Variants in MAPK8 observed in about 807,000 individuals in gnomAD.
The protein encoded by MAPK8 is JUN N-terminal kinase.
In MAPK8, 13 loss-of-function variants were observed where a neutral mutation model predicts 52.9. The ratio of observed to expected loss-of-function variants is 0.25; its 90% confidence interval spans 0.16 to 0.39. MAPK8 has a LOEUF of 0.39. MAPK8 is among the 10% of genes least tolerant of loss of function. The pLI, the probability that MAPK8 is intolerant of heterozygous loss-of-function variation, is 1.00. For missense variants in MAPK8, 300 were observed against 519.2 expected (o/e 0.58, Z 4.10); for synonymous variants, 191 against 169.8 (o/e 1.12, Z -0.97).
chr10:48,417,607 A>T (rs918462681), intron 5 of MAPK8, among the ~76,000 whole-genome samples: 5 of 152,200 alleles, frequency 3.3e-5, no homozygotes, highest in Non-Finnish European at 5.9e-5. Context: ...CACCAGAGAC[A>T]TCCTTTTCTC....
intron 1 of MAPK8, among the ~76,000 whole-genome samples, chr10:48,384,773 T>A (rs2041213166): frequency 6.6e-6 from 1 of 152,238 alleles, no homozygotes; most frequent in East Asian, 1.9e-4. Context: ...AGTTTCATAG[T>A]TGGCCAGGTG....
intron 1 of MAPK8, among the ~76,000 whole-genome samples, chr10:48,315,469 G>A (rs1363214578): frequency 6.6e-6 from 1 of 152,150 alleles, no homozygotes; most frequent in African/African-American, 2.4e-5. Flanking sequence ...TATAGAATAA[G>A]TGACAGCTTT....
Position 48,436,634 on chromosome 10 carries a change from T to G in MAPK8, c.*1605T>G, listed in dbSNP as rs553194777. Reference sequence around the variant, plus strand: ...AATGTCTGAAAATTTGCTTGGCATTTTATTCATATATTTAGTGCAAAATTA... The same window carrying G: ...AATGTCTGAAAATTTGCTTGGCATTGTATTCATATATTTAGTGCAAAATTA... On this transcript the variant is annotated 3_prime_UTR_variant, in exon 12 of 12. Transcript: ENST00000374189. 1 of 152,250 alleles carries G rather than the reference T, an allele frequency of 6.6e-6. No individual in the cohort carries two copies. The highest frequency in any genetic ancestry group is 1.5e-5 in the Non-Finnish European group (1 of 68,038). The allele number at this position is 152,250 out of a possible 1,614,324, so 9.4% of individuals were successfully genotyped here.
At chr10:48,318,759 G>A (rs761244973) in intron 1 of MAPK8, among the ~76,000 whole-genome samples, 6 of 152,288 alleles carry the variant, frequency 3.9e-5, no homozygotes, top group South Asian at 4.1e-4. Context: ...GTAAGGGTAC[G>A]TACTGTAAAC....
chr10:48,314,480 T>C (rs534551796), intron 1 of MAPK8, among the ~76,000 whole-genome samples: 1 of 152,352 alleles, frequency 6.6e-6, no homozygotes, highest in South Asian at 2.1e-4. Context: ...TTCAGACTTT[T>C]GCTATCAAAA....
At chr10:48,315,692 G>A (rs1842431605) in intron 1 of MAPK8, among the ~76,000 whole-genome samples, 1 of 145,962 alleles carries the variant, frequency 6.9e-6, no homozygotes, top group Non-Finnish European at 1.5e-5. Flanking sequence ...TTGTATATTA[G>A]TTAATATTTC....
chr10:48,427,026 A>T (rs112500875), intron 9 of MAPK8, 54 bp from the exon 10 acceptor site: 39 of 1,282,004 alleles, frequency 3.0e-5, no homozygotes, highest in Middle Eastern at 1.9e-4. Flanking sequence ...ATAACTACAG[A>T]GTTAAAATAC....
chr10:48,432,105 C>T (rs2044342371), intron 11 of MAPK8, among the ~76,000 whole-genome samples: 1 of 152,176 alleles, frequency 6.6e-6, no homozygotes, highest in African/African-American at 2.4e-5. Context: ...ACTTCTCTGG[C>T]TACAGAGGTT....
At chr10:48,405,600 T>G (rs536570823) in intron 3 of MAPK8, among the ~76,000 whole-genome samples, 1 of 152,336 alleles carries the variant, frequency 6.6e-6, no homozygotes, top group South Asian at 2.1e-4. Flanking sequence ...GAATAAACAG[T>G]TATACTTTTT....
At chr10:48,314,494 A>T (rs1842305039) in intron 1 of MAPK8, among the ~76,000 whole-genome samples, 1 of 152,240 alleles carries the variant, frequency 6.6e-6, no homozygotes, top group Non-Finnish European at 1.5e-5. Context: ...ATCAAAAGCC[A>T]TGGTGCAGTG....
intron 1 of MAPK8, among the ~76,000 whole-genome samples, chr10:48,331,462 T>C (rs1844139610): frequency 6.6e-6 from 1 of 152,204 alleles, no homozygotes; most frequent in South Asian, 2.1e-4. Context: ...CTTTAAGGGT[T>C]CCTCAGTGCA....
At chr10:48,323,706 A>C (rs1843205698) in intron 1 of MAPK8, among the ~76,000 whole-genome samples, 1 of 152,204 alleles carries the variant, frequency 6.6e-6, no homozygotes, top group Non-Finnish European at 1.5e-5. Context: ...ATAATTGAGG[A>C]AAAATGGTAT....
At chr10:48,379,764 C>T (rs1195525500) in intron 1 of MAPK8, among the ~76,000 whole-genome samples, 1 of 152,082 alleles carries the variant, frequency 6.6e-6, no homozygotes, top group Non-Finnish European at 1.5e-5. Flanking sequence ...ATTAACACAT[C>T]AGTTTTTTAT....
intron 1 of MAPK8, among the ~76,000 whole-genome samples, chr10:48,312,405 GTC>G (rs1842064923): frequency 6.6e-6 from 1 of 152,182 alleles, no homozygotes; most frequent in Non-Finnish European, 1.5e-5. Context: ...ACTTTTTAAA[GTC>G]TCTCTCCAGT....
chr10:48,400,206 T>C (rs770343823), intron 1 of MAPK8, among the ~76,000 whole-genome samples: 7 of 152,240 alleles, frequency 4.6e-5, no homozygotes, highest in Non-Finnish European at 1.0e-4. Context: ...GAAGAATTTA[T>C]GAGTCTTGTC....
intron 7 of MAPK8, chr10:48,424,611 T>C: frequency 6.6e-7 from 1 of 1,524,950 alleles, no homozygotes; most frequent in South Asian, 1.3e-5. Context: ...GCCTAAAATG[T>C]AGTTTCTAAA....
intron 1 of MAPK8, among the ~76,000 whole-genome samples, chr10:48,328,338 C>T (rs549221646): frequency 6.7e-6 from 1 of 149,380 alleles, no homozygotes; most frequent in African/African-American, 2.5e-5. Context: ...TTTTTAATTT[C>T]ACTGATTTTG....
intron 1 of MAPK8, among the ~76,000 whole-genome samples, chr10:48,400,487 C>A (rs561937250): frequency 6.6e-6 from 1 of 152,188 alleles, no homozygotes; most frequent in Non-Finnish European, 1.5e-5. Flanking sequence ...CTTGCTCCCC[C>A]TTTCTCCTGC....
Position 48,438,299 on chromosome 10 carries a change from C to T in MAPK8, c.*3270C>T, listed in dbSNP as rs1009624423. 1.1e-4 allele frequency: 17 copies of T among 152,170 alleles called. No individual in the cohort carries two copies. Among genetic ancestry groups the T allele is most frequent in the African/African-American group, 4.1e-4 (17 of 41,426 alleles). 9.4% of individuals were successfully genotyped at this position (152,170 alleles called of 1,614,324 possible). On this transcript the variant is annotated 3_prime_UTR_variant, in exon 12 of 12. Transcript: ENST00000374189. ...CATTTTTGTGTGCATTGTGTTTCTA[C>T]TGATCTCTCTTAGGTTTTTACGGAA...
Sources: gnomAD v4.1 joint callset for allele counts (sites outside exome capture counted in the v4.1 genomes callset) on GRCh38, gnomAD v4.1.1 for gene constraint, MANE v1.5 for transcripts, NCBI Gene and HGNC (gene_info 2026-07-23, HGNC 2026-07-21) for gene names.